The following MYRIP variants were observed in gnomAD, a reference collection of about 807,000 sequenced individuals.
MYRIP encodes myosin VIIA and Rab interacting protein, also known as rab effector MyRIP.
A neutral mutation model predicts 98.0 loss-of-function variants in MYRIP; 49 were observed. That is an observed-to-expected ratio of 0.50 (90% CI 0.40 to 0.63). The LOEUF (loss-of-function observed/expected upper bound fraction) is 0.63. Ranked by LOEUF, MYRIP falls within the 30% of genes least tolerant of loss-of-function variation. The pLI is 0.00. For synonymous variants in MYRIP, 404 were observed against 409.5 expected, an observed-to-expected ratio of 0.99 and a Z score of 0.16; for missense variants, 1,004 against 1,058.2, an observed-to-expected ratio of 0.95 and a Z score of 0.71.
At chr3:39,947,766 C>T (rs962305751) in intron 2 of MYRIP, among the ~76,000 whole-genome samples, 1 of 152,260 alleles carries the variant, frequency 6.6e-6, no homozygotes, top group African/African-American at 2.4e-5. Context: ...GAGAGAGACC[C>T]TGTCTCAGAA....
chr3:39,876,744 A>G (rs1943007955), intron 1 of MYRIP, among the ~76,000 whole-genome samples: 1 of 151,950 alleles, frequency 6.6e-6, no homozygotes, highest in East Asian at 1.9e-4. Flanking sequence ...TTTGAGGGTA[A>G]CCCGACTTTT....
At chr3:39,877,005 A>C (rs1559505816) in intron 1 of MYRIP, among the ~76,000 whole-genome samples, 2 of 152,098 alleles carry the variant, frequency 1.3e-5, no homozygotes, top group Non-Finnish European at 2.9e-5. Flanking sequence ...TGGTCTTTTC[A>C]CATAGTCCCA....
At chr3:39,831,426 T>C (rs925451779) in intron 1 of MYRIP, among the ~76,000 whole-genome samples, 1 of 152,192 alleles carries the variant, frequency 6.6e-6, no homozygotes, top group Non-Finnish European at 1.5e-5. Flanking sequence ...TTAGCATTTT[T>C]TGCATCTCTT....
intron 1 of MYRIP, among the ~76,000 whole-genome samples, chr3:39,891,309 T>C (rs538764169): frequency 6.6e-6 from 1 of 152,224 alleles, no homozygotes; most frequent in South Asian, 2.1e-4. Context: ...ATTGTATATA[T>C]AAAGTTTGTG....
intron 2 of MYRIP, among the ~76,000 whole-genome samples, chr3:39,954,896 A>T (rs896800352): frequency 7.2e-5 from 11 of 152,188 alleles, no homozygotes; most frequent in Admixed American, 7.2e-4. Flanking sequence ...TCAGTAGCTG[A>T]TTTGATCAAG....
intron 2 of MYRIP, among the ~76,000 whole-genome samples, chr3:39,903,601 G>T (rs1233542998): frequency 6.6e-6 from 1 of 152,212 alleles, no homozygotes; most frequent in African/African-American, 2.4e-5. Context: ...TAATGGGGAT[G>T]AAGAATTCAT....
In MYRIP at chr3:39,988,299, T is replaced by A. The variant is rs561875623; in HGVS notation, c.111-55751T>A. 6.9e-4 allele frequency among the ~76,000 whole-genome samples: 101 copies of A among 147,008 alleles called. 1 individual carries two copies. The highest frequency in any genetic ancestry group is 2.7e-3 in the African/African-American group (99 of 36,990). On this transcript the variant is annotated intron_variant, in intron 2 of 16. Coordinates refer to ENST00000302541, the MANE Select transcript of MYRIP (RefSeq NM_015460.4). ...ACATTGTGCACATGTACCCTAAAACTTAAAGTATAATGATAAAAAAAAAAA... is the reference window on the plus strand; with the variant it reads ...ACATTGTGCACATGTACCCTAAAACATAAAGTATAATGATAAAAAAAAAAA...
At chr3:40,115,163 G>T (rs149890300) in intron 3 of MYRIP, among the ~76,000 whole-genome samples, 112 of 152,194 alleles carry the variant, frequency 7.4e-4, no homozygotes, top group African/African-American at 2.7e-3. Context: ...GTTGCTCCTA[G>T]TGTGAAATTG....
chr3:39,933,091 G>C (rs1056069833), intron 2 of MYRIP, among the ~76,000 whole-genome samples: 4 of 152,174 alleles, frequency 2.6e-5, no homozygotes, highest in African/African-American at 9.7e-5. Flanking sequence ...CATGCATTAT[G>C]ATCTTTCTGA....
At chr3:39,927,936 A>T (rs924739612) in intron 2 of MYRIP, among the ~76,000 whole-genome samples, 5 of 152,068 alleles carry the variant, frequency 3.3e-5, no homozygotes, top group Admixed American at 2.6e-4. Context: ...AACAAAAACC[A>T]TATGATCATC....
intron 1 of MYRIP, among the ~76,000 whole-genome samples, chr3:39,853,713 A>G (rs932824677): frequency 6.6e-6 from 1 of 151,654 alleles, no homozygotes; most frequent in Non-Finnish European, 1.5e-5. Context: ...TTCTCTGTTT[A>G]TTCTGCTGAT....
At chr3:40,043,496 T>C (rs1385027588) in intron 2 of MYRIP, among the ~76,000 whole-genome samples, 1 of 152,134 alleles carries the variant, frequency 6.6e-6, no homozygotes, top group Non-Finnish European at 1.5e-5. Flanking sequence ...AACAGAATTG[T>C]TCTTTTATCC....
chr3:40,148,583 T>C (rs1950055952), intron 3 of MYRIP, among the ~76,000 whole-genome samples: 1 of 152,242 alleles, frequency 6.6e-6, no homozygotes, highest in Admixed American at 6.5e-5. Flanking sequence ...AATAAGTTGT[T>C]GCTTATCTTC....
At chr3:40,055,214 C>G (rs1189404881) in intron 3 of MYRIP, among the ~76,000 whole-genome samples, 3 of 152,172 alleles carry the variant, frequency 2.0e-5, no homozygotes, top group Non-Finnish European at 2.9e-5. Flanking sequence ...CCACCAATCA[C>G]ACCAGTGTTT....
At chr3:40,135,756 A>C (rs1323508002) in intron 3 of MYRIP, among the ~76,000 whole-genome samples, 2 of 152,228 alleles carry the variant, frequency 1.3e-5, no homozygotes, top group African/African-American at 4.8e-5. Flanking sequence ...AGAATTTTCA[A>C]CCCAGAATTT....
At chr3:40,212,912 C>A (rs1952005359) in intron 11 of MYRIP, among the ~76,000 whole-genome samples, 1 of 152,024 alleles carries the variant, frequency 6.6e-6, no homozygotes, top group South Asian at 2.1e-4. Flanking sequence ...CAGAGTGAGA[C>A]CCTGTCTCAA....
At chr3:40,001,120 A>C (rs4132922) in intron 2 of MYRIP, among the ~76,000 whole-genome samples, 15,376 of 152,244 alleles carry the variant, frequency 0.1, 1,354 homozygotes, top group African/African-American at 0.23. Context: ...AACAAGCATA[A>C]CTATCCTAAT....
At chr3:40,256,752 A>C (rs1007779778) in intron 16 of MYRIP, among the ~76,000 whole-genome samples, 2 of 152,206 alleles carry the variant, frequency 1.3e-5, no homozygotes, top group East Asian at 3.9e-4. Context: ...TTCTGTGGCC[A>C]AATGATTTTG....
intron 3 of MYRIP, among the ~76,000 whole-genome samples, chr3:40,063,998 A>G (rs1231248948): frequency 6.6e-6 from 1 of 151,954 alleles, no homozygotes; most frequent in Non-Finnish European, 1.5e-5. Context: ...TGAGAACAGG[A>G]GGGAAGGGCA....
Sources: gnomAD v4.1 joint callset for allele counts (sites outside exome capture counted in the v4.1 genomes callset) on GRCh38, gnomAD v4.1.1 for gene constraint, MANE v1.5 for transcripts, NCBI Gene and HGNC (gene_info 2026-07-23, HGNC 2026-07-21) for gene names.